Variants in CHRM2 observed in about 807,000 individuals in gnomAD.
CHRM2 encodes cholinergic receptor muscarinic 2, also known as muscarinic acetylcholine receptor M2.
Under a neutral mutation model 25.0 loss-of-function variants are expected in CHRM2, and 8 were observed. The ratio of observed to expected loss-of-function variants is 0.32; its 90% CI spans 0.19 to 0.58. The LOEUF (loss-of-function observed/expected upper bound fraction) is 0.58, where lower values mean the gene tolerates loss of function less well. CHRM2 is among the 20% of genes least tolerant of loss of function. The pLI, the probability that CHRM2 is intolerant of heterozygous loss-of-function variation, is 0.88. For synonymous variants in CHRM2, 202 were observed against 205.7 expected, an observed-to-expected ratio of 0.98 and a Z score of 0.15; for missense variants, 440 against 567.1, an observed-to-expected ratio of 0.78 and a Z score of 2.28.
intron 2 of CHRM2, among the ~76,000 whole-genome samples, chr7:136,977,117 G>A (rs1016400364): frequency 6.6e-6 from 1 of 152,168 alleles, no homozygotes; most frequent in Non-Finnish European, 1.5e-5. Context: ...TCCAAGAGAA[G>A]CTCTCCACAT....
At position 137,015,551 on chromosome 7, in the gene CHRM2, A is replaced by G. The variant is rs762688022; in HGVS notation, c.686A>G (p.Asp229Gly). Reference sequence around the variant, plus strand: ...AAGAAGGAGCCTGTTGCCAACCAAGACCCCGTTTCTCCAAGTCTGGTACAA... The same window carrying G: ...AAGAAGGAGCCTGTTGCCAACCAAGGCCCCGTTTCTCCAAGTCTGGTACAA... The part of the protein sequence containing the change: ...KDKKEPVANQ[D>G]PVSPSLVQGR... Residue 229 changes from aspartate to glycine, a missense_variant, in exon 4 of 4, where the codon GAC becomes GGC. By Grantham distance (94) the Asp-to-Gly change is moderately conservative. Coordinates refer to ENST00000680005, the MANE Select transcript of CHRM2 (RefSeq NM_001006630.2). The surrounding 1 kb of genome is among the most constrained non-coding windows in gnomAD (Gnocchi z 5.1). The G allele has an allele frequency of 3.7e-6, 6 of 1,612,676 alleles. No individual in the cohort carries two copies. The Admixed American group carries it at 1.0e-4, about 27-fold the overall frequency.
At chr7:136,885,680 A>G (rs1796435608) in intron 2 of CHRM2, among the ~76,000 whole-genome samples, 2 of 152,244 alleles carry the variant, frequency 1.3e-5, no homozygotes, top group Non-Finnish European at 2.9e-5. Context: ...TCTAGCCTTT[A>G]CAGTCTGTCC....
At position 136,982,280 on chromosome 7, in the gene CHRM2, G is replaced by T. The variant is rs180822421; in HGVS notation, c.-124-9907G>T. Reference sequence around the variant, plus strand: ...TAGGATTGCAACCCCTACTTATTTTGCTTTTCATTTGCTTGGTAAATCTTC... The same window carrying T: ...TAGGATTGCAACCCCTACTTATTTTTCTTTTCATTTGCTTGGTAAATCTTC... On this transcript the variant is annotated intron_variant, in intron 2 of 3. Coordinates refer to ENST00000680005, the MANE Select transcript of CHRM2 (RefSeq NM_001006630.2). Among the ~76,000 whole-genome samples, 10 of 152,026 alleles carry T rather than the reference G, an allele frequency of 6.6e-5. 1 individual carries two copies. Among genetic ancestry groups the T allele is most frequent in the African/African-American group, 2.2e-4 (9 of 41,476 alleles).
rs1798495605 is a variant in CHRM2 at position 136,922,350 on chromosome 7, A to G, written c.-125+52932A>G. On this transcript the variant is annotated intron_variant, in intron 2 of 3. Transcript: ENST00000680005. The stretch of plus-strand genomic sequence containing the variant: ...AGATTCATGTAATAACATTTTTTTA[A>G]GTAGGCTACCTCTCTGGCCCTGCTC... Among the ~76,000 whole-genome samples, 6 of 152,176 alleles carry G rather than the reference A, an allele frequency of 3.9e-5. No homozygotes were observed. In the South Asian group the frequency reaches 1.2e-3, roughly 31 times the overall value.
chr7:136,941,726 C>G (rs1041760819), intron 2 of CHRM2, among the ~76,000 whole-genome samples: 1 of 152,062 alleles, frequency 6.6e-6, no homozygotes, highest in African/African-American at 2.4e-5. Flanking sequence ...GCTTGTTTTG[C>G]TTTTTGCTTT....
intron 3 of CHRM2, among the ~76,000 whole-genome samples, chr7:136,994,835 T>C (rs183326755): frequency 1.1e-3 from 167 of 152,132 alleles, no homozygotes; most frequent in Non-Finnish European, 1.8e-3. Flanking sequence ...TCCCATATGA[T>C]CTCAGCTTAG....
intron 2 of CHRM2, chr7:136,951,206 C>T (rs1800394994): frequency 6.6e-6 from 1 of 152,160 alleles, no homozygotes; most frequent in South Asian, 2.1e-4. Flanking sequence ...GTTACTTCAG[C>T]TTCATTCTTT....
intron 2 of CHRM2, among the ~76,000 whole-genome samples, chr7:136,906,397 A>T (rs904217003): frequency 1.3e-5 from 2 of 151,228 alleles, no homozygotes; most frequent in Non-Finnish European, 3.0e-5. Context: ...TATGTATTAT[A>T]CATATGTAAT....
chr7:136,997,002 C>T (rs2131043345), intron 3 of CHRM2, among the ~76,000 whole-genome samples: 1 of 152,290 alleles, frequency 6.6e-6, no homozygotes, highest in East Asian at 1.9e-4. Flanking sequence ...TCCACATTCT[C>T]ACCCAGCTGT....
At position 136,961,152 on chromosome 7, in the gene CHRM2, T is replaced by A. The variant is rs77836919; in HGVS notation, c.-124-31035T>A. On this transcript the variant is annotated intron_variant, in intron 2 of 3. Coordinates refer to ENST00000680005, the MANE Select transcript of CHRM2 (RefSeq NM_001006630.2). ...AAAAAAATTAATTAAAAAAACCATA[T>A]GCATTCAGTAGAAACCATACTTCAA... Among the ~76,000 whole-genome samples the A allele has an allele frequency of 1.0e-2, 1,515 of 152,106 alleles. 19 individuals are homozygous for A. Among genetic ancestry groups the A allele is most frequent in the South Asian group, 0.02 (97 of 4,810 alleles).
At chr7:136,917,275 A>G (rs937044891) in intron 2 of CHRM2, among the ~76,000 whole-genome samples, 5 of 151,732 alleles carry the variant, frequency 3.3e-5, no homozygotes, top group African/African-American at 1.2e-4. Context: ...TAGATGTTCA[A>G]ATATTTTCTC....
intron 2 of CHRM2, among the ~76,000 whole-genome samples, chr7:136,904,184 C>T (rs1797402006): frequency 6.6e-6 from 1 of 151,792 alleles, no homozygotes; most frequent in African/African-American, 2.4e-5. Flanking sequence ...TTGGTAGCTT[C>T]CCCTTCATCC....
At chr7:136,984,097 C>G (rs1254104397) in intron 2 of CHRM2, among the ~76,000 whole-genome samples, 38 of 152,162 alleles carry the variant, frequency 2.5e-4, no homozygotes. Context: ...TCTATAACCC[C>G]CTGACTGGGG....
At chr7:136,930,759 T>C (rs1584775327) in intron 2 of CHRM2, among the ~76,000 whole-genome samples, 1 of 151,732 alleles carries the variant, frequency 6.6e-6, no homozygotes, top group African/African-American at 2.4e-5. Flanking sequence ...CAGCCAGTTG[T>C]GGTGGCGGGC....
At chr7:136,979,358 T>C (rs990357047) in intron 2 of CHRM2, among the ~76,000 whole-genome samples, 4 of 152,224 alleles carry the variant, frequency 2.6e-5, no homozygotes, top group South Asian at 4.1e-4. Flanking sequence ...CTTTGTCAGA[T>C]GGATAGATTG....
chr7:136,933,946 A>AT (rs1363347344), intron 2 of CHRM2, among the ~76,000 whole-genome samples: 2 of 152,016 alleles, frequency 1.3e-5, no homozygotes, highest in Non-Finnish European at 2.9e-5. Context: ...TGAGTATGAG[A>AT]TTTTTGTTCT....
chr7:136,956,241 T>C (rs1285538441), intron 2 of CHRM2, among the ~76,000 whole-genome samples: 2 of 152,216 alleles, frequency 1.3e-5, no homozygotes, highest in African/African-American at 4.8e-5. Context: ...ATATAAAATA[T>C]GGACTTTATG....
At chr7:136,928,242 C>G (rs2130766441) in intron 2 of CHRM2, among the ~76,000 whole-genome samples, 1 of 152,242 alleles carries the variant, frequency 6.6e-6, no homozygotes, top group African/African-American at 2.4e-5. Context: ...GTATCAAATC[C>G]AAAAATTCTG....
At chr7:136,871,535 G>A (rs569243470) in intron 2 of CHRM2, 2 of 152,878 alleles carry the variant, frequency 1.3e-5, no homozygotes, top group South Asian at 4.1e-4. Context: ...GGGATTGTGC[G>A]GCAAAGGCCG....
Sources: gnomAD v4.1 joint callset for allele counts (sites outside exome capture counted in the v4.1 genomes callset) on GRCh38, gnomAD v4.1.1 for gene constraint, Gnocchi (gnomAD v3.1) non-coding constraint, MANE v1.5 for transcripts, NCBI Gene and HGNC (gene_info 2026-07-23, HGNC 2026-07-21) for gene names.